Variants in ULK4 observed in about 807,000 individuals in gnomAD.
The protein encoded by ULK4 is unc-51 like kinase 4.
A neutral mutation model predicts 160.6 loss-of-function variants in ULK4; 133 were observed. The observed-to-expected ratio is 0.83, with a 90% CI of 0.72 to 0.96. The LOEUF is 0.96. Among genes scored for constraint, ULK4 ranks in the 40% least tolerant of loss-of-function variants. The pLI is 0.00. For missense variants in ULK4, 1,580 were observed against 1,499.5 expected, an observed-to-expected ratio of 1.05 and a Z score of -0.89; for synonymous variants, 534 against 539.8, an observed-to-expected ratio of 0.99 and a Z score of 0.15.
At chr3:41,812,493 C>G (rs1302636074) in intron 19 of ULK4, among the ~76,000 whole-genome samples, 1 of 152,050 alleles carries the variant, frequency 6.6e-6, no homozygotes. Flanking sequence ...GAAAAGGTAT[C>G]CATGATAATA....
chr3:41,824,472 C>A (rs142348009), intron 18 of ULK4, among the ~76,000 whole-genome samples: 1 of 152,144 alleles, frequency 6.6e-6, no homozygotes, highest in African/African-American at 2.4e-5. Flanking sequence ...CACCCTAATA[C>A]TGCACTTTTC....
intron 32 of ULK4, among the ~76,000 whole-genome samples, chr3:41,508,134 T>G (rs1413731130): frequency 6.6e-6 from 1 of 152,162 alleles, no homozygotes; most frequent in African/African-American, 2.4e-5. Flanking sequence ...GCAGGCTGCA[T>G]GAGAGTAGGG....
At chr3:41,821,756 A>C (rs2041153361) in intron 18 of ULK4, among the ~76,000 whole-genome samples, 1 of 151,948 alleles carries the variant, frequency 6.6e-6, no homozygotes, top group Non-Finnish European at 1.5e-5. Flanking sequence ...CTTTACACTG[A>C]CTTTCTCAGT....
At chr3:41,324,912 A>G (rs1007059822) in intron 35 of ULK4, among the ~76,000 whole-genome samples, 3 of 152,200 alleles carry the variant, frequency 2.0e-5, no homozygotes, top group Non-Finnish European at 4.4e-5. Flanking sequence ...TGGAGGAAGT[A>G]TACTAAAACA....
intron 4 of ULK4, among the ~76,000 whole-genome samples, chr3:41,934,334 T>A (rs1559660253): frequency 6.6e-6 from 1 of 152,206 alleles, no homozygotes; most frequent in East Asian, 1.9e-4. Context: ...GGAGTTTTCT[T>A]TTTTAGGTTT....
intron 32 of ULK4, among the ~76,000 whole-genome samples, chr3:41,476,585 C>A (rs2084151229): frequency 6.6e-6 from 1 of 152,070 alleles, no homozygotes; most frequent in South Asian, 2.1e-4. Context: ...AGAGGCCTGA[C>A]CCCTGGGAAA....
chr3:41,790,240 T>C (rs1243563112), intron 20 of ULK4, among the ~76,000 whole-genome samples: 1 of 152,234 alleles, frequency 6.6e-6, no homozygotes, highest in East Asian at 1.9e-4. Flanking sequence ...TCTGTAAATA[T>C]CTGAAGATTA....
chr3:41,819,459 A>G lies in ULK4; in HGVS notation c.1812T>C (p.Ala604=). The change falls in exon 19 of 37, where the codon GCT becomes GCC. Residue 604 remains alanine, a synonymous_variant. Transcript: ENST00000301831. ...NPRECWAVPL[A]AYTVLMRCLR... ...GGCACCTCATTAGCACTGTGTATGCAGCCAAGGGAACAGCCCAGCACTCTC... is the reference window on the plus strand; with the variant it reads ...GGCACCTCATTAGCACTGTGTATGCGGCCAAGGGAACAGCCCAGCACTCTC... The G allele has an allele frequency of 6.2e-7, 1 of 1,613,892 alleles. No homozygotes were observed.
intron 34 of ULK4, among the ~76,000 whole-genome samples, chr3:41,452,429 A>G (rs1037858274): frequency 9.9e-5 from 15 of 152,148 alleles, no homozygotes; most frequent in African/African-American, 3.6e-4. Flanking sequence ...CTTTCCACTG[A>G]GAGTTAAATC....
chr3:41,897,143 G>C (rs1346217100), intron 14 of ULK4, 140 bp from the exon 15 acceptor site: 2 of 676,354 alleles, frequency 3.0e-6, no homozygotes, highest in Admixed American at 3.1e-5. Flanking sequence ...ATACTCCAAA[G>C]ATGACACTAT....
intron 22 of ULK4, among the ~76,000 whole-genome samples, chr3:41,735,140 G>T (rs6789506): frequency 0.13 from 20,054 of 152,074 alleles, 4,305 homozygotes; most frequent in African/African-American, 0.45. Context: ...TGGCATTTGG[G>T]GAATATTAAT....
intron 22 of ULK4, among the ~76,000 whole-genome samples, chr3:41,727,276 T>G (rs2037684185): frequency 6.6e-6 from 1 of 152,244 alleles, no homozygotes; most frequent in African/African-American, 2.4e-5. Flanking sequence ...GACATCAGTT[T>G]ATTCATTCAA....
intron 35 of ULK4, among the ~76,000 whole-genome samples, chr3:41,259,002 A>G (rs2078892912): frequency 6.8e-6 from 1 of 147,932 alleles, no homozygotes; most frequent in African/African-American, 2.5e-5. Context: ...ATATATACAT[A>G]TGTATACATA....
rs146461416 is a variant in ULK4 at position 41,822,419 on chromosome 3, G to A, written c.1765-2913C>T. Among the ~76,000 whole-genome samples, 8 of 152,068 alleles carry A rather than the reference G, an allele frequency of 5.3e-5. No individual in the cohort carries two copies. The East Asian group carries it at 1.4e-3, about 26-fold the overall frequency. ...TTGTTTTTCTTGTTTTTTGTCGTTC[G>A]TTTCGTTTTGTTTTTGATACCAAGT... is the stretch of plus-strand genomic sequence containing the variant. On this transcript the variant is annotated intron_variant, in intron 18 of 36. Transcript: ENST00000301831.
chr3:41,768,470 T>C (rs550278633), intron 21 of ULK4, among the ~76,000 whole-genome samples: 2 of 152,338 alleles, frequency 1.3e-5, no homozygotes, highest in African/African-American at 4.8e-5. Flanking sequence ...TTCTACCTTG[T>C]ACTCCTGAAA....
intron 21 of ULK4, among the ~76,000 whole-genome samples, chr3:41,788,573 C>T (rs556591836): frequency 6.6e-5 from 10 of 152,102 alleles, no homozygotes; most frequent in South Asian, 6.2e-4. Flanking sequence ...ACCTATAGTC[C>T]CAGCTACTCA....
chr3:41,495,748 C>T (rs905049426), intron 32 of ULK4, among the ~76,000 whole-genome samples: 4 of 151,398 alleles, frequency 2.6e-5, no homozygotes, highest in Non-Finnish European at 4.4e-5. Context: ...AACAAACAAC[C>T]CCATCAAAAA....
At chr3:41,551,873 T>G (rs1412807946) in intron 32 of ULK4, among the ~76,000 whole-genome samples, 1 of 151,868 alleles carries the variant, frequency 6.6e-6, no homozygotes, top group Non-Finnish European at 1.5e-5. Flanking sequence ...AACAAAACAC[T>G]AGCAAAAAGA....
intron 17 of ULK4, among the ~76,000 whole-genome samples, chr3:41,849,630 A>C (rs989739998): frequency 7.2e-5 from 11 of 152,208 alleles, no homozygotes; most frequent in African/African-American, 2.7e-4. Flanking sequence ...GCAAAGCATA[A>C]TGTAAACTAC....
Sources: allele counts gnomAD v4.1 joint callset (sites outside exome capture counted in the v4.1 genomes callset), GRCh38; gene constraint gnomAD v4.1.1; transcripts MANE v1.5; gene names NCBI Gene and HGNC (gene_info 2026-07-23, HGNC 2026-07-21).